The following TSPAN19 variants were observed in gnomAD, a reference collection of about 807,000 sequenced individuals.
TSPAN19 encodes the protein tetraspanin-19.
A neutral mutation model predicts 35.1 loss-of-function variants in TSPAN19; 44 were observed. The ratio of observed to expected loss-of-function variants is 1.25; its 90% CI spans 0.98 to 1.61. The LOEUF (loss-of-function observed/expected upper bound fraction) is 1.61, where lower values mean the gene tolerates loss of function less well. Ranked by LOEUF, TSPAN19 falls within the 40% of genes most tolerant of loss-of-function variation. TSPAN19 has a pLI of 0.00. For missense variants in TSPAN19, 290 were observed against 280.0 expected (o/e 1.04, Z -0.26); for synonymous variants, 79 against 92.0 (o/e 0.86, Z 0.81).
intron 1 of TSPAN19, among the ~76,000 whole-genome samples, chr12:85,031,399 C>T (rs1179693267): frequency 3.9e-5 from 6 of 152,038 alleles, no homozygotes; most frequent in Non-Finnish European, 8.8e-5. Context: ...ACAGCCTGAA[C>T]GAGAAGATAG....
intron 1 of TSPAN19, among the ~76,000 whole-genome samples, chr12:85,034,479 A>G (rs1592670178): frequency 6.6e-6 from 1 of 152,198 alleles, no homozygotes; most frequent in African/African-American, 2.4e-5. Context: ...TTGTTAAGCC[A>G]ATATGCTATA....
At chr12:85,020,564 A>C (rs1245696979) in intron 5 of TSPAN19, among the ~76,000 whole-genome samples, 2 of 152,058 alleles carry the variant, frequency 1.3e-5, no homozygotes, top group African/African-American at 4.8e-5. Flanking sequence ...CTGCAGAAGC[A>C]GGAAGGTCAC....
At chr12:85,019,365 T>C (rs1263151780) in intron 6 of TSPAN19, among the ~76,000 whole-genome samples, 2 of 151,900 alleles carry the variant, frequency 1.3e-5, no homozygotes, top group African/African-American at 4.8e-5. Flanking sequence ...CTATCCCACT[T>C]GGCAAAAGAC....
At chr12:85,031,542 T>C (rs2135817956) in intron 1 of TSPAN19, among the ~76,000 whole-genome samples, 1 of 152,240 alleles carries the variant, frequency 6.6e-6, no homozygotes, top group Non-Finnish European at 1.5e-5. Flanking sequence ...AATTAGCATG[T>C]TAGGCAGGGT....
intron 1 of TSPAN19, chr12:85,035,032 T>A (rs1474542082): frequency 2.6e-5 from 4 of 152,186 alleles, no homozygotes; most frequent in Non-Finnish European, 5.9e-5. Context: ...AGTTTCACAA[T>A]CAAAAATAAA....
intron 1 of TSPAN19, among the ~76,000 whole-genome samples, chr12:85,031,663 G>A (rs1307350265): frequency 2.0e-5 from 3 of 152,160 alleles, no homozygotes; most frequent in Non-Finnish European, 4.4e-5. Context: ...GAAACTTGGA[G>A]CTAACTCTGG....
intron 1 of TSPAN19, among the ~76,000 whole-genome samples, chr12:85,033,498 T>C (rs1042950157): frequency 6.6e-6 from 1 of 152,034 alleles, no homozygotes; most frequent in African/African-American, 2.4e-5. Flanking sequence ...TAGTAGGAAG[T>C]AGAATTGCCA....
chr12:85,024,940 T>G (rs1877320724), intron 4 of TSPAN19, among the ~76,000 whole-genome samples: 2 of 152,214 alleles, frequency 1.3e-5, no homozygotes, highest in South Asian at 4.1e-4. Context: ...TTTATACATC[T>G]AATACTTTAA....
At chr12:85,020,398 T>C (rs753737523) in intron 5 of TSPAN19, among the ~76,000 whole-genome samples, 31 of 152,114 alleles carry the variant, frequency 2.0e-4, no homozygotes, top group Non-Finnish European at 3.4e-4. Context: ...AATAAAATAA[T>C]TGACTTTTGA....
intron 2 of TSPAN19, 31 bp from the exon 3 acceptor site, chr12:85,029,822 T>C (rs1229544925): frequency 6.5e-7 from 1 of 1,531,826 alleles, no homozygotes; most frequent in African/African-American, 1.4e-5. Context: ...CTTATTTTTT[T>C]GTAATTGCCT....
intron 3 of TSPAN19, 52 bp from the exon 4 acceptor site, chr12:85,028,075 G>A: frequency 7.3e-7 from 1 of 1,377,002 alleles, no homozygotes. Flanking sequence ...ATATGAAGTG[G>A]TATTTTATTT....
chr12:85,014,731 G>A lies in TSPAN19; in HGVS notation c.679-176C>T, dbSNP rs1876696152. The A allele has an allele frequency of 2.1e-5, 10 of 472,098 alleles. No homozygotes were observed. In the South Asian group the frequency reaches 3.4e-4, roughly 16 times the overall value. The allele number at this position is 472,098 out of a possible 1,614,324, so 29.2% of individuals were successfully genotyped here. The stretch of plus-strand genomic sequence containing the variant: ...TGTGAATAGGAAGTCTGCAAAATGA[G>A]TCTTCAAGAATAACCCACCTGTTAC... On this transcript the variant is annotated intron_variant, in intron 8 of 8. Coordinates refer to ENST00000532498, the MANE Select transcript of TSPAN19 (RefSeq NM_001100917.2).
intron 1 of TSPAN19, among the ~76,000 whole-genome samples, chr12:85,031,880 T>C (rs757436470): frequency 6.6e-6 from 1 of 151,554 alleles, no homozygotes; most frequent in Admixed American, 6.6e-5. Flanking sequence ...GTACCCAGGA[T>C]AAAGAAAAGA....
intron 1 of TSPAN19, among the ~76,000 whole-genome samples, chr12:85,030,566 A>C (rs1479194738): frequency 6.6e-6 from 1 of 152,076 alleles, no homozygotes; most frequent in East Asian, 1.9e-4. Flanking sequence ...AAGTGGCGAG[A>C]GTATGTCTTA....
At chr12:85,033,521 C>T (rs1877780708) in intron 1 of TSPAN19, among the ~76,000 whole-genome samples, 1 of 151,902 alleles carries the variant, frequency 6.6e-6, no homozygotes, top group African/African-American at 2.4e-5. Flanking sequence ...ATTGGGATAA[C>T]CAAAGAATCA....
chr12:85,014,487 TCACA>T lies in TSPAN19; in HGVS notation c.743_746del (p.Met248AsnfsTer13), dbSNP rs761128406. ...TTCTGAACAAATTGAAATCCAAAGGTCACATTTCTGCATGGATTATATTCTTGAT... is the reference window on the plus strand; with the variant it reads ...TTCTGAACAAATTGAAATCCAAAGGTTTTCTGCATGGATTATATTCTTGAT... On this transcript the variant is annotated frameshift_variant and stop_lost, in exon 9 of 9. Coordinates refer to ENST00000532498, the MANE Select transcript of TSPAN19 (RefSeq NM_001100917.2). LOFTEE classifies it high-confidence loss of function. 10 of 1,593,394 alleles carry T rather than the reference TCACA, an allele frequency of 6.3e-6. No homozygotes were observed. Among genetic ancestry groups the T allele is most frequent in the Non-Finnish European group, 8.6e-6 (10 of 1,167,936 alleles).
rs1876673542 is a variant in TSPAN19 at position 85,014,420 on chromosome 12, A to G, written c.*67T>C. The G allele has an allele frequency of 2.5e-6, 3 of 1,180,710 alleles. No homozygotes were observed. The Admixed American group carries it at 7.2e-5, about 28-fold the overall frequency. 73.1% of individuals were successfully genotyped at this position (1,180,710 alleles called of 1,614,324 possible). Reference sequence around the variant, plus strand: ...TAATACAATTCAAAACGTTTTTGGAATAAAATAATATAATGTGATTTTTTA... The same window carrying G: ...TAATACAATTCAAAACGTTTTTGGAGTAAAATAATATAATGTGATTTTTTA... On this transcript the variant is annotated 3_prime_UTR_variant, in exon 9 of 9. Coordinates refer to ENST00000532498, the MANE Select transcript of TSPAN19 (RefSeq NM_001100917.2).
At chr12:85,015,484 G>T (rs181780992) in intron 8 of TSPAN19, 1 of 152,612 alleles carries the variant, frequency 6.6e-6, no homozygotes, top group Admixed American at 6.6e-5. Context: ...GATTTCAGAA[G>T]TCTGGCAACT....
At chr12:85,020,186 T>C (rs1044473642) in intron 5 of TSPAN19, among the ~76,000 whole-genome samples, 5 of 151,884 alleles carry the variant, frequency 3.3e-5, no homozygotes, top group Non-Finnish European at 7.4e-5. Flanking sequence ...TTTACAACTT[T>C]AGAAGTTGTA....
Sources: gnomAD v4.1 joint callset for allele counts (sites outside exome capture counted in the v4.1 genomes callset) on GRCh38, gnomAD v4.1.1 for gene constraint, MANE v1.5 for transcripts, NCBI Gene and HGNC (gene_info 2026-07-23, HGNC 2026-07-21) for gene names.